SEC14L1: variants seen among roughly 807,000 people sequenced by gnomAD.
SEC14L1 encodes the protein SEC14-like protein 1.
A neutral mutation model predicts 85.3 loss-of-function variants in SEC14L1; 48 were observed. The ratio of observed to expected loss-of-function variants is 0.56; its 90% CI spans 0.45 to 0.72. SEC14L1 has a LOEUF of 0.72. Among genes scored for constraint, SEC14L1 ranks in the 30% least tolerant of loss-of-function variants. The pLI is 0.00. For missense variants in SEC14L1, 682 were observed against 921.4 expected (o/e 0.74, Z 3.36); for synonymous variants, 391 against 355.5 (o/e 1.10, Z -1.12).
intron 5 of SEC14L1, among the ~76,000 whole-genome samples, chr17:77,192,070 C>T (rs1427493221): frequency 6.6e-6 from 1 of 152,218 alleles, no homozygotes; most frequent in Non-Finnish European, 1.5e-5. Context: ...GCTGGGATTA[C>T]AGGCGTGAGC....
At chr17:77,166,997 T>C (rs1009166395) in intron 3 of SEC14L1, among the ~76,000 whole-genome samples, 1 of 152,214 alleles carries the variant, frequency 6.6e-6, no homozygotes, top group South Asian at 2.1e-4. Flanking sequence ...AGATGAAAGC[T>C]CTTCATGGGT....
In SEC14L1 at chr17:77,204,525, T is replaced by C. The variant is rs955023988; in HGVS notation, c.1099-751T>C. The stretch of plus-strand genomic sequence containing the variant: ...TTGAGCCACCCTGCCCAGCCAGCTT[T>C]TTTTTTTTTTTTTTTTTTTTTTTTA... On this transcript the variant is annotated intron_variant, in intron 10 of 16. Coordinates refer to ENST00000436233, the MANE Select transcript of SEC14L1 (RefSeq NM_001143998.2). Among the ~76,000 whole-genome samples, 16 of 134,550 alleles carry C rather than the reference T, an allele frequency of 1.2e-4. 1 individual carries two copies. Among genetic ancestry groups the C allele is most frequent in the African/African-American group, 4.0e-4 (13 of 32,866 alleles). The allele number at this position is 134,550 out of a possible 152,430, so 88.3% of individuals were successfully genotyped here. A position where few individuals can be genotyped will look rare whatever the true frequency, so the allele number is the denominator to read the frequency against.
At chr17:77,197,598 T>C (rs1598384414) in intron 8 of SEC14L1, among the ~76,000 whole-genome samples, 1 of 152,180 alleles carries the variant, frequency 6.6e-6, no homozygotes, top group East Asian at 1.9e-4. Flanking sequence ...ATGGTAGTTC[T>C]ACAGTTTTAT....
At chr17:77,142,869 TAAGG>T (rs1973123089) in intron 2 of SEC14L1, 119 bp downstream of exon 2, 1 of 152,234 alleles carries the variant, frequency 6.6e-6, no homozygotes, top group Non-Finnish European at 1.5e-5. Context: ...TATGCACCCA[TAAGG>T]AGGGCTCCTT....
chr17:77,166,254 G>C (rs28636997), intron 3 of SEC14L1, among the ~76,000 whole-genome samples: 40,053 of 152,074 alleles, frequency 0.26, 5,528 homozygotes, highest in African/African-American at 0.32. Context: ...TACTTATTCT[G>C]TGTCAGGGCC....
At chr17:77,170,498 G>A (rs955856327) in intron 3 of SEC14L1, among the ~76,000 whole-genome samples, 3 of 152,192 alleles carry the variant, frequency 2.0e-5, no homozygotes, top group African/African-American at 7.2e-5. Flanking sequence ...AAGGCCTTGA[G>A]TCCTAAGAGA....
At chr17:77,172,846 C>G (rs73376391) in intron 3 of SEC14L1, among the ~76,000 whole-genome samples, 4,431 of 152,242 alleles carry the variant, frequency 0.029, 213 homozygotes, top group African/African-American at 0.1. Context: ...CTTTAATTAT[C>G]AGTTCTCCAA....
At chr17:77,098,938 T>C (rs1033775762) in intron 3 of SEC14L1, 1 of 152,230 alleles carries the variant, frequency 6.6e-6, no homozygotes, top group African/African-American at 2.4e-5. Context: ...TACATTCTCA[T>C]AGAAGCCTGT....
At chr17:77,177,655 C>T (rs1391417443) in intron 3 of SEC14L1, among the ~76,000 whole-genome samples, 3 of 152,122 alleles carry the variant, frequency 2.0e-5, no homozygotes, top group African/African-American at 7.2e-5. Context: ...CCTCTTAAAA[C>T]ATTATATCTA....
intron 13 of SEC14L1, among the ~76,000 whole-genome samples, chr17:77,208,917 T>G (rs1976600890): frequency 6.6e-6 from 1 of 152,240 alleles, no homozygotes; most frequent in Non-Finnish European, 1.5e-5. Context: ...ACAGAAAACA[T>G]TATTCATTGA....
At chr17:77,168,954 G>C (rs574516104) in intron 3 of SEC14L1, among the ~76,000 whole-genome samples, 47 of 150,778 alleles carry the variant, frequency 3.1e-4, no homozygotes, top group African/African-American at 1.0e-3. Context: ...CCTCTTGTGG[G>C]ACCCCAGTAG....
Position 77,120,376 on chromosome 17 carries a change from C to G in SEC14L1, c.-135-22270C>G, listed in dbSNP as rs553407976. Among the ~76,000 whole-genome samples, 3 of 152,108 alleles carry G rather than the reference C, an allele frequency of 2.0e-5. No individual in the cohort carries two copies. In the South Asian group the frequency reaches 6.2e-4, roughly 31 times the overall value. ...CAGTGCCATCACAGAGGGACGAGGA[C>G]AGAGGTCTAGAACGTCGCTGTGTGT... On this transcript the variant is annotated intron_variant, in intron 3 of 19. Coordinates refer to the SEC14L1 transcript ENST00000392476.
At chr17:77,159,221 AC>A (rs56963369) in intron 3 of SEC14L1, among the ~76,000 whole-genome samples, 151,247 of 151,278 alleles carry the variant, frequency 1, 75,608 homozygotes, top group Middle Eastern at 1. Context: ...GTGAGCCACC[AC>A]CACCTGGCTA....
intron 3 of SEC14L1, among the ~76,000 whole-genome samples, chr17:77,183,679 G>C (rs1351563556): frequency 6.6e-6 from 1 of 152,168 alleles, no homozygotes; most frequent in Non-Finnish European, 1.5e-5. Flanking sequence ...TGAAACGCAT[G>C]GTTGCATTTC....
At chr17:77,090,961 C>A (rs1282092268) in intron 2 of SEC14L1, among the ~76,000 whole-genome samples, 49 of 148,266 alleles carry the variant, frequency 3.3e-4, no homozygotes, top group African/African-American at 1.1e-3. Context: ...CAGAGTGAGA[C>A]CCTGTCTCAA....
Position 77,206,683 on chromosome 17 carries a change from C to A in SEC14L1, c.1342-45C>A. On this transcript the variant is annotated intron_variant, in intron 12 of 16. Coordinates refer to ENST00000436233, the MANE Select transcript of SEC14L1 (RefSeq NM_001143998.2). This position sits in a 1 kb window ranked among gnomAD's most constrained non-coding sequence, Gnocchi z 4.3. ...CATTGTCATTTTAATCTTGGACACT[C>A]AGGCAGCAGAGAAATATGACTGCAT... The A allele has an allele frequency of 1.3e-6, 2 of 1,561,120 alleles. No individual in the cohort carries two copies. Among genetic ancestry groups the A allele is most frequent in the South Asian group, 1.2e-5 (1 of 81,634 alleles).
At position 77,213,951 on chromosome 17, in the gene SEC14L1, C is replaced by T. The variant is rs374028997; in HGVS notation, c.2076C>T (p.Ser692=). ...GSMTSLESSH[S]GFSQLSAATT... Reference sequence around the variant, plus strand: ...TGACGAGCCTGGAGTCCAGCCACAGCGGCTTCTCCCAGCTGAGTGCCGCCA... The same window carrying T: ...TGACGAGCCTGGAGTCCAGCCACAGTGGCTTCTCCCAGCTGAGTGCCGCCA... The change falls in exon 17 of 17, where the codon AGC becomes AGT. Residue 692 remains serine (S), a synonymous_variant. Coordinates refer to ENST00000436233, the MANE Select transcript of SEC14L1 (RefSeq NM_001143998.2). The surrounding 1 kb of genome is among the most constrained non-coding windows in gnomAD (Gnocchi z 7.1). 24 of 1,613,620 alleles carry T rather than the reference C, an allele frequency of 1.5e-5. No homozygotes were observed. Among genetic ancestry groups the T allele is most frequent in the Middle Eastern group, 1.7e-4 (1 of 5,978 alleles).
At chr17:77,208,431 C>T (rs1223935574) in intron 13 of SEC14L1, among the ~76,000 whole-genome samples, 1 of 152,164 alleles carries the variant, frequency 6.6e-6, no homozygotes, top group Admixed American at 6.5e-5. Flanking sequence ...AGACCTGCCT[C>T]ACCGCGTTGT....
rs1235078484 is a variant in SEC14L1, at chr17:77,213,078, GAC to G, written c.1864-234_1864-233del. ...CTGGGCAGGCCTCGTGAGGGCCACG[GAC>G]ATGGAGCTTGTCCCTCCGGGCTTCC... is the stretch of plus-strand genomic sequence containing the variant. On this transcript the variant is annotated intron_variant, in intron 15 of 16. Transcript: ENST00000436233. The surrounding 1 kb of genome is among the most constrained non-coding windows in gnomAD (Gnocchi z 7.1). Among the ~76,000 whole-genome samples, 1 of 152,250 alleles carries G rather than the reference GAC, an allele frequency of 6.6e-6. No homozygotes were observed. The highest frequency in any genetic ancestry group is 1.5e-5 in the Non-Finnish European group (1 of 68,032).
Sources: allele counts gnomAD v4.1 joint callset (sites outside exome capture counted in the v4.1 genomes callset), GRCh38; gene constraint gnomAD v4.1.1; non-coding constraint Gnocchi (gnomAD v3.1); transcripts MANE v1.5; gene names NCBI Gene and HGNC (gene_info 2026-07-23, HGNC 2026-07-21).